The following JAKMIP3 variants were observed in gnomAD, a reference collection of about 807,000 sequenced individuals.
The protein encoded by JAKMIP3 is janus kinase and microtubule-interacting protein 3.
In JAKMIP3, 58 loss-of-function variants were observed where a neutral mutation model predicts 118.5. The observed-to-expected ratio is 0.49, with a 90% CI of 0.40 to 0.61. JAKMIP3 has a LOEUF of 0.61. Ranked by LOEUF, JAKMIP3 falls within the 20% of genes least tolerant of loss-of-function variation. The pLI, the probability that JAKMIP3 is intolerant of heterozygous loss-of-function variation, is 0.00. For missense variants in JAKMIP3, 950 were observed against 1,109.0 expected, an observed-to-expected ratio of 0.86 and a Z score of 2.04; for synonymous variants, 486 against 451.2, an observed-to-expected ratio of 1.08 and a Z score of -0.98.
At chr10:132,161,923 T>C (rs2058390671) in intron 19 of JAKMIP3, among the ~76,000 whole-genome samples, 1 of 126,888 alleles carries the variant, frequency 7.9e-6, no homozygotes, top group South Asian at 2.7e-4. Context: ...TGTGTGGGCC[T>C]CTCTCTCCAC....
At chr10:132,177,078 C>T (rs1233933652) in intron 23 of JAKMIP3, among the ~76,000 whole-genome samples, 3 of 152,176 alleles carry the variant, frequency 2.0e-5, no homozygotes, top group East Asian at 1.9e-4. Context: ...CATGAGTCCC[C>T]CTCCCCGCTT....
intron 3 of JAKMIP3, among the ~76,000 whole-genome samples, chr10:132,125,151 C>G (rs909597141): frequency 2.6e-5 from 4 of 152,338 alleles, no homozygotes; most frequent in Admixed American, 1.3e-4. Context: ...TCTGCCCCTC[C>G]GAGGGCGTGA....
chr10:132,090,798 G>A (rs913965374), intron 1 of JAKMIP3, among the ~76,000 whole-genome samples: 3 of 152,056 alleles, frequency 2.0e-5, no homozygotes, highest in Non-Finnish European at 4.4e-5. Flanking sequence ...TGTGATGTTA[G>A]GGTGGCAATT....
At chr10:132,050,559 G>C (rs1219038892) in intron 1 of JAKMIP3, among the ~76,000 whole-genome samples, 1 of 152,166 alleles carries the variant, frequency 6.6e-6, no homozygotes, top group Non-Finnish European at 1.5e-5. Context: ...TCATCTTCAA[G>C]TCATGCCAAG....
At chr10:132,100,331 C>G (rs1333667464) in intron 1 of JAKMIP3, among the ~76,000 whole-genome samples, 1 of 152,206 alleles carries the variant, frequency 6.6e-6, no homozygotes, top group African/African-American at 2.4e-5. Flanking sequence ...CTGGACCTCC[C>G]GCATGGCTGA....
intron 1 of JAKMIP3, among the ~76,000 whole-genome samples, chr10:132,097,134 A>G (rs7917223): frequency 1 from 152,092 of 152,352 alleles, 75,919 homozygotes; most frequent in Middle Eastern, 1. Flanking sequence ...ATACAGGCAA[A>G]GGTGTCGGGA....
At chr10:132,115,268 C>T (rs184229634) in intron 2 of JAKMIP3, among the ~76,000 whole-genome samples, 102 of 104,240 alleles carry the variant, frequency 9.8e-4, no homozygotes, top group African/African-American at 3.9e-3. Context: ...TGGGTCACCG[C>T]GATCGCGGCT....
chr10:132,109,270 T>C (rs1011083231), intron 2 of JAKMIP3, among the ~76,000 whole-genome samples: 8 of 152,028 alleles, frequency 5.3e-5, no homozygotes, highest in Non-Finnish European at 4.4e-5. Context: ...GCCACTGCAC[T>C]CCAGCCTGGG....
At chr10:132,159,621 T>TG (rs2057685653) in intron 19 of JAKMIP3, among the ~76,000 whole-genome samples, 1 of 38,798 alleles carries the variant, frequency 2.6e-5, no homozygotes, top group African/African-American at 1.1e-4. Context: ...ATGCTGGGGG[T>TG]CCTCTTCCTT....
chr10:132,113,971 A>AGCTTT, intron 2 of JAKMIP3, among the ~76,000 whole-genome samples: 1 of 152,222 alleles, frequency 6.6e-6, no homozygotes, highest in South Asian at 2.1e-4. Flanking sequence ...GACTTTGTAG[A>AGCTTT]GCTTTGCTTT....
At chr10:132,039,985 G>T (rs2037670015) in intron 1 of JAKMIP3, among the ~76,000 whole-genome samples, 1 of 152,242 alleles carries the variant, frequency 6.6e-6, no homozygotes, top group Non-Finnish European at 1.5e-5. Flanking sequence ...TCAGAAGGCT[G>T]GGATGAAGAC....
At position 132,175,237 on chromosome 10, in the gene JAKMIP3, C is replaced by T. The variant is rs76644352; in HGVS notation, c.*1103+6204C>T. The stretch of plus-strand genomic sequence containing the variant: ...CCTTCTAGAATCTGTGGTTTTATGT[C>T]TTAAATTTAAAACACCTGTGATTCA... On this transcript the variant is annotated intron_variant, in intron 23 of 23. Coordinates refer to ENST00000684848, the MANE Select transcript of JAKMIP3 (RefSeq NM_001323087.2). Among the ~76,000 whole-genome samples, 765 of 152,306 alleles carry T rather than the reference C, an allele frequency of 5.0e-3. 6 individuals carry two copies. Among genetic ancestry groups the T allele is most frequent in the African/African-American group, 0.017 (717 of 41,564 alleles).
chr10:132,150,991 TC>T (rs1437417649), intron 16 of JAKMIP3, among the ~76,000 whole-genome samples: 1 of 151,932 alleles, frequency 6.6e-6, no homozygotes, highest in Non-Finnish European at 1.5e-5. Flanking sequence ...TCATTCTCCA[TC>T]CTCCATCTGT....
intron 1 of JAKMIP3, 96 bp from the exon 2 acceptor site, chr10:132,104,576 G>A: frequency 1.8e-6 from 1 of 557,842 alleles, no homozygotes. Flanking sequence ...CAATGAGGTG[G>A]GGGGTCCACG....
intron 11 of JAKMIP3, among the ~76,000 whole-genome samples, chr10:132,142,555 C>T (rs1454452350): frequency 6.6e-6 from 1 of 152,250 alleles, no homozygotes; most frequent in African/African-American, 2.4e-5. Flanking sequence ...CCTCCGCCCA[C>T]TTCCCTGGCT....
At chr10:132,180,666 CGTGTGT>C (rs1239491062) in intron 23 of JAKMIP3, among the ~76,000 whole-genome samples, 1 of 14,370 alleles carries the variant, frequency 7.0e-5, no homozygotes, top group African/African-American at 3.2e-4. Context: ...TGCGTGTGTG[CGTGTGT>C]GTGCGCGCGC....
At chr10:132,086,047 G>T (rs1247326140) in intron 1 of JAKMIP3, among the ~76,000 whole-genome samples, 1 of 152,096 alleles carries the variant, frequency 6.6e-6, no homozygotes, top group Admixed American at 6.6e-5. Flanking sequence ...CTGTATCCCA[G>T]AGGTTTTTAT....
At chr10:132,144,934 AAAAC>A (rs1190047323) in intron 11 of JAKMIP3, among the ~76,000 whole-genome samples, 169 bp from the exon 12 acceptor site, 7 of 152,168 alleles carry the variant, frequency 4.6e-5, no homozygotes, top group African/African-American at 1.7e-4. Context: ...GTCTCAAAAA[AAAAC>A]AAAACAGTTC....
In JAKMIP3 at chr10:132,117,415, C is replaced by T. The variant is rs2047853024; in HGVS notation, c.474C>T (p.Ile158=). Residue 158 remains isoleucine (I), a synonymous_variant, in exon 3 of 24, where the codon ATC becomes ATT. Coordinates refer to ENST00000684848, the MANE Select transcript of JAKMIP3 (RefSeq NM_001323087.2). This position sits in a 1 kb window ranked among gnomAD's most constrained non-coding sequence, Gnocchi z 8.6. ...AGAAGGTCAAGATGCAGCAGGAGATCTCCGAGCTCAAGGGCGCCAAAAGGC... is the reference window on the plus strand; with the variant it reads ...AGAAGGTCAAGATGCAGCAGGAGATTTCCGAGCTCAAGGGCGCCAAAAGGC... ...EVEKVKMQQE[I]SELKGAKRQV... The T allele has an allele frequency of 1.9e-6, 3 of 1,613,996 alleles. No homozygotes were observed. Among genetic ancestry groups the T allele is most frequent in the African/African-American group, 1.3e-5 (1 of 75,050 alleles).
Sources: gnomAD v4.1 joint callset for allele counts (sites outside exome capture counted in the v4.1 genomes callset) on GRCh38, gnomAD v4.1.1 for gene constraint, Gnocchi (gnomAD v3.1) non-coding constraint, MANE v1.5 for transcripts, NCBI Gene and HGNC (gene_info 2026-07-23, HGNC 2026-07-21) for gene names.